Variants in INSIG2 observed in about 807,000 individuals in gnomAD.
INSIG2 encodes insulin-induced gene 2 protein.
A neutral mutation model predicts 27.2 loss-of-function variants in INSIG2; 10 were observed. The ratio of observed to expected loss-of-function variants is 0.37; its 90% CI spans 0.23 to 0.62. INSIG2 has a LOEUF of 0.62. Among genes scored for constraint, INSIG2 ranks in the 20% least tolerant of loss-of-function variants. INSIG2 has a pLI of 0.65. For missense variants in INSIG2, 178 were observed against 270.2 expected (o/e 0.66, Z 2.39); for synonymous variants, 97 against 95.8 (o/e 1.01, Z -0.07).
intron 3 of INSIG2, among the ~76,000 whole-genome samples, chr2:118,105,353 T>C (rs1678648837): frequency 6.6e-6 from 1 of 152,232 alleles, no homozygotes; most frequent in Non-Finnish European, 1.5e-5. Context: ...TATGGCACTA[T>C]TTTAAGATTG....
intron 1 of INSIG2, among the ~76,000 whole-genome samples, chr2:118,095,381 C>T (rs1678381952): frequency 6.6e-6 from 1 of 152,056 alleles, no homozygotes. Context: ...GTTTTGAATC[C>T]CAGCTTGGCC....
chr2:118,100,415 G>A (rs10187263), intron 2 of INSIG2, among the ~76,000 whole-genome samples: 61,583 of 128,442 alleles, frequency 0.48, 14,202 homozygotes, highest in Middle Eastern at 0.61. Flanking sequence ...GTCTCACTCC[G>A]TCACCTGGGC....
intron 2 of INSIG2, 46 bp from the exon 3 acceptor site, chr2:118,103,151 A>G (rs746150663): frequency 1.3e-6 from 2 of 1,570,672 alleles, no homozygotes; most frequent in Admixed American, 1.7e-5. Flanking sequence ...AAGTGTTGCC[A>G]GTACAACATT....
intron 2 of INSIG2, among the ~76,000 whole-genome samples, chr2:118,101,465 C>T (rs187102515): frequency 6.6e-6 from 1 of 152,218 alleles, no homozygotes; most frequent in East Asian, 1.9e-4. Context: ...TGTCAGTATT[C>T]TCTATGTAAT....
At position 118,094,367 on chromosome 2, in the gene INSIG2, A is replaced by AGAT. The variant is rs34116355; in HGVS notation, c.-138-2032_-138-2030dup. Among the ~76,000 whole-genome samples, 90 of 118,152 alleles carry AGAT rather than the reference A, an allele frequency of 7.6e-4. 16 individuals carry two copies. Among genetic ancestry groups the AGAT allele is most frequent in the African/African-American group, 2.1e-3 (55 of 26,482 alleles). The allele number at this position is 118,152 out of a possible 152,430, so 77.5% of individuals were successfully genotyped here. A position where few individuals can be genotyped will look rare whatever the true frequency, so the allele number is the denominator to read the frequency against. On this transcript the variant is annotated intron_variant, in intron 1 of 5. Transcript: ENST00000245787. ...CTACTGAACCTTGCCAAAAGCAACC[A>AGAT]GATGATGATGATGATGATGATGGAG...
intron 5 of INSIG2, 110 bp downstream of exon 5, chr2:118,107,299 CT>C: frequency 1.5e-6 from 1 of 683,616 alleles, no homozygotes; most frequent in Non-Finnish European, 2.6e-6. Flanking sequence ...TCTTTGATTG[CT>C]TTTTTGCACT....
At chr2:118,092,859 A>AGATGAT (rs760155161) in intron 1 of INSIG2, among the ~76,000 whole-genome samples, 1 of 148,136 alleles carries the variant, frequency 6.8e-6, no homozygotes, top group South Asian at 2.1e-4. Flanking sequence ...AAAAGCAACC[A>AGATGAT]GATGATGATG....
intron 3 of INSIG2, among the ~76,000 whole-genome samples, chr2:118,104,159 A>G (rs1164175666): frequency 6.6e-6 from 1 of 152,162 alleles, no homozygotes; most frequent in Non-Finnish European, 1.5e-5. Flanking sequence ...GTACTTGGAA[A>G]AGCAAGAAGT....
chr2:118,094,179 T>G lies in INSIG2; in HGVS notation c.-138-2240T>G, dbSNP rs13394998. 5.6e-3 allele frequency among the ~76,000 whole-genome samples: 672 copies of G among 121,048 alleles called. 7 individuals carry two copies. The highest frequency in any genetic ancestry group is 0.017 in the African/African-American group (501 of 29,580). 79.4% of individuals were successfully genotyped at this position (121,048 alleles called of 152,430 possible). ...AAAAGCAACCAGATGATGATGATGA[T>G]GAGGAGGAGGAGGAGGAGAGTTCTG... On this transcript the variant is annotated intron_variant, in intron 1 of 5. Coordinates refer to ENST00000245787, the MANE Select transcript of INSIG2 (RefSeq NM_016133.4).
intron 3 of INSIG2, among the ~76,000 whole-genome samples, chr2:118,103,704 T>C (rs751725397): frequency 3.3e-5 from 5 of 152,182 alleles, no homozygotes; most frequent in Admixed American, 2.0e-4. Context: ...TAGCTTCAGG[T>C]GCTATTTTGT....
rs1678794975 is a variant in INSIG2 at position 118,110,859 on chromosome 2, A to C, written c.*2537A>C. Reference sequence around the variant, plus strand: ...GCCCTGCTAAAACTTTTAATGTAAAATTTATTTATTTGCACTGAGCTGTTT... The same window carrying C: ...GCCCTGCTAAAACTTTTAATGTAAACTTTATTTATTTGCACTGAGCTGTTT... On this transcript the variant is annotated 3_prime_UTR_variant, in exon 6 of 6. Coordinates refer to ENST00000245787, the MANE Select transcript of INSIG2 (RefSeq NM_016133.4). 1 of 152,184 alleles carries C rather than the reference A, an allele frequency of 6.6e-6. No individual in the cohort carries two copies. Among genetic ancestry groups the C allele is most frequent in the South Asian group, 2.1e-4 (1 of 4,828 alleles). The allele number at this position is 152,184 out of a possible 1,614,324, so 9.4% of individuals were successfully genotyped here.
intron 2 of INSIG2, among the ~76,000 whole-genome samples, chr2:118,098,200 TTCTATAGTATAG>T (rs1678456716): frequency 6.6e-6 from 1 of 152,220 alleles, no homozygotes; most frequent in South Asian, 2.1e-4. Context: ...GTTTCTTTTC[TTCTATAGTATAG>T]TCTGGCTGCC....
intron 2 of INSIG2, among the ~76,000 whole-genome samples, chr2:118,102,154 T>C (rs142906969): frequency 1.3e-5 from 2 of 152,380 alleles, no homozygotes; most frequent in East Asian, 1.9e-4. Flanking sequence ...TTAAACATGC[T>C]TTTCAACTGA....
chr2:118,099,724 G>T (rs1338515358), intron 2 of INSIG2, among the ~76,000 whole-genome samples: 1 of 152,196 alleles, frequency 6.6e-6, no homozygotes, highest in East Asian at 1.9e-4. Flanking sequence ...TTCCTGTTTA[G>T]CTGTGCAGTC....
intron 2 of INSIG2, among the ~76,000 whole-genome samples, chr2:118,101,791 T>C (rs1678551763): frequency 6.6e-6 from 1 of 152,226 alleles, no homozygotes. Context: ...CTAATAGTTA[T>C]TGGAGCTCTG....
In INSIG2 at chr2:118,106,819, C is replaced by G; in HGVS notation, c.452C>G (p.Ser151Cys). The stretch of plus-strand genomic sequence containing the variant: ...GGACTGTGGTGGACTTTTGATAGAT[C>G]TAGAAGTGGTTTTGGCCTTGGAGTA... ...SIGLWWTFDR[S>C]RSGFGLGVGI... The change falls in exon 4 of 6, where the codon TCT becomes TGT. Residue 151 changes from serine to cysteine, a missense_variant. Ser to Cys is a moderately radical substitution (Grantham distance 112). Transcript: ENST00000245787. 6.2e-7 allele frequency: 1 copy of G among 1,614,062 alleles called. No individual in the cohort carries two copies.
chr2:118,096,784 C>T lies in INSIG2; in HGVS notation c.228C>T (p.Cys76=), dbSNP rs1196442648. The T allele has an allele frequency of 9.9e-6, 16 of 1,613,054 alleles. No homozygotes were observed. The highest frequency in any genetic ancestry group is 1.4e-5 in the Non-Finnish European group (16 of 1,179,972). ...IFSSAWWVPP[C]CGTASAVIGL... ...CTTCTGCATGGTGGGTACCCCCATG[C>T]TGTGGCACGGCTTCAGGTATGTGTA... The change falls in exon 2 of 6, where the codon TGC becomes TGT. Residue 76 remains cysteine, a synonymous_variant. Coordinates refer to ENST00000245787, the MANE Select transcript of INSIG2 (RefSeq NM_016133.4).
chr2:118,101,815 T>C (rs934108010), intron 2 of INSIG2, among the ~76,000 whole-genome samples: 3 of 152,194 alleles, frequency 2.0e-5, no homozygotes, highest in African/African-American at 7.2e-5. Flanking sequence ...TGCCGAGATA[T>C]GTTCTTAATC....
intron 3 of INSIG2, among the ~76,000 whole-genome samples, chr2:118,104,836 G>A (rs1194758320): frequency 6.6e-6 from 1 of 152,120 alleles, no homozygotes; most frequent in Non-Finnish European, 1.5e-5. Flanking sequence ...TTTTTAAGTA[G>A]AGAAATTTAA....
Sources: gnomAD v4.1 joint callset for allele counts (sites outside exome capture counted in the v4.1 genomes callset) on GRCh38, gnomAD v4.1.1 for gene constraint, MANE v1.5 for transcripts, NCBI Gene and HGNC (gene_info 2026-07-23, HGNC 2026-07-21) for gene names.